Variants in GRB10 observed in about 807,000 individuals in gnomAD.
GRB10 encodes growth factor receptor bound protein 10.
A neutral mutation model predicts 80.9 loss-of-function variants in GRB10; 20 were observed. The observed-to-expected ratio is 0.25, with a 90% confidence interval of 0.17 to 0.36. The LOEUF (loss-of-function observed/expected upper bound fraction) is 0.36. GRB10 is among the 10% of genes least tolerant of loss of function. GRB10 has a pLI of 1.00. For synonymous variants in GRB10, 291 were observed against 291.5 expected (o/e 1.00, Z 0.02); for missense variants, 548 against 747.7 (o/e 0.73, Z 3.12).
chr7:50,705,906 AGCTGTGCTCCCCT>A (rs746981449), intron 4 of GRB10, among the ~76,000 whole-genome samples: 13 of 152,322 alleles, frequency 8.5e-5, no homozygotes, highest in Non-Finnish European at 1.5e-4. Context: ...CTGAGGAGGG[AGCTGTGCTCCCCT>A]GGCTATCTGA....
At chr7:50,626,687 G>A (rs1468451) in intron 8 of GRB10, 135 bp downstream of exon 8, 154,505 of 962,446 alleles carry the variant, frequency 0.16, 13,222 homozygotes, top group Non-Finnish European at 0.18. Flanking sequence ...CAGGAGAGTC[G>A]AGGGGAACCC....
intron 5 of GRB10, among the ~76,000 whole-genome samples, chr7:50,695,124 A>G (rs2153661583): frequency 6.6e-6 from 1 of 152,216 alleles, no homozygotes; most frequent in South Asian, 2.1e-4. Flanking sequence ...CCCACTGCCT[A>G]CACACTGCCT....
intron 5 of GRB10, among the ~76,000 whole-genome samples, chr7:50,693,337 T>C (rs2063052789): frequency 1.3e-5 from 2 of 152,344 alleles, no homozygotes; most frequent in Non-Finnish European, 2.9e-5. Context: ...GCTTCTGAAA[T>C]AGTCCATTCT....
At chr7:50,757,156 A>G (rs192007710) in intron 2 of GRB10, among the ~76,000 whole-genome samples, 3 of 152,324 alleles carry the variant, frequency 2.0e-5, no homozygotes, top group East Asian at 3.9e-4. Context: ...CTAAAAATCC[A>G]GGCACCAGAG....
intron 5 of GRB10, among the ~76,000 whole-genome samples, chr7:50,678,775 T>C (rs562417331): frequency 6.6e-6 from 1 of 152,340 alleles, no homozygotes; most frequent in East Asian, 1.9e-4. Flanking sequence ...GTAAGGACTC[T>C]GTGTGCCACC....
chr7:50,732,238 C>T (rs372908027), intron 4 of GRB10, 34 bp downstream of exon 4: 37 of 1,608,226 alleles, frequency 2.3e-5, no homozygotes, highest in African/African-American at 2.1e-4. Flanking sequence ...CCAGCACCAT[C>T]GGGCCAGGAT....
chr7:50,604,833 T>C (rs2048244987), intron 15 of GRB10: 1 of 292,978 alleles, frequency 3.4e-6, no homozygotes, highest in African/African-American at 2.2e-5. Context: ...GTCTCAGGAC[T>C]TAGAAGCCGA....
At chr7:50,784,566 C>G (rs554261603), upstream of GRB10, among the ~76,000 whole-genome samples, 8 of 152,322 alleles carry the variant, frequency 5.3e-5, no homozygotes, top group South Asian at 8.3e-4. Flanking sequence ...TTACAAAATG[C>G]CAGAGGTCCC....
intron 7 of GRB10, among the ~76,000 whole-genome samples, chr7:50,652,952 C>T (rs552852034): frequency 6.6e-6 from 1 of 152,306 alleles, no homozygotes; most frequent in East Asian, 1.9e-4. Context: ...AATTCACATT[C>T]CCAAAGCTGT....
chr7:50,691,006 G>A (rs915842526), intron 5 of GRB10, among the ~76,000 whole-genome samples: 6 of 152,104 alleles, frequency 3.9e-5, no homozygotes, highest in African/African-American at 1.4e-4. Flanking sequence ...CTAACACACT[G>A]GGGCAAAACA....
rs143505087 is a variant in GRB10 at position 50,599,176 on chromosome 7, G to A, written c.1545-3646C>T. Among the ~76,000 whole-genome samples, 475 of 152,292 alleles carry A rather than the reference G, an allele frequency of 3.1e-3. 3 individuals carry two copies. The highest frequency in any genetic ancestry group is 5.5e-3 in the Non-Finnish European group (376 of 68,030). ...CGCGCACACGCTCAGCTGCATGGGT[G>A]GGGACGGGGATGGGAGGGGAGCTGC... On this transcript the variant is annotated intron_variant, in intron 17 of 18. Coordinates refer to ENST00000401949, the MANE Select transcript of GRB10 (RefSeq NM_001350814.2).
chr7:50,595,388 A>G, intron 18 of GRB10, 49 bp downstream of exon 18: 1 of 1,011,948 alleles, frequency 9.9e-7, no homozygotes. Flanking sequence ...ATTAAGAATG[A>G]AACCAGAAAA....
chr7:50,674,241 C>T (rs1169110946), intron 6 of GRB10, among the ~76,000 whole-genome samples, 195 bp downstream of exon 6: 6 of 152,244 alleles, frequency 3.9e-5, no homozygotes, highest in Non-Finnish European at 8.8e-5. Flanking sequence ...ATTGAACTGG[C>T]TACAAAGTTC....
chr7:50,734,797 G>T (rs901388611), intron 3 of GRB10, among the ~76,000 whole-genome samples: 1 of 152,154 alleles, frequency 6.6e-6, no homozygotes, highest in Admixed American at 6.5e-5. Flanking sequence ...CAGTAAGAGG[G>T]CTGGGCTATC....
intron 5 of GRB10, 37 bp downstream of exon 5, chr7:50,703,784 G>C (rs1318447629): frequency 6.9e-7 from 1 of 1,456,920 alleles, no homozygotes; most frequent in South Asian, 1.1e-5. Flanking sequence ...TGCAAAGCTA[G>C]AACTGGGAGT....
chr7:50,738,308 A>G (rs1244440026), intron 3 of GRB10, among the ~76,000 whole-genome samples: 2 of 152,260 alleles, frequency 1.3e-5, no homozygotes, highest in Non-Finnish European at 2.9e-5. Flanking sequence ...AATCAAAAGC[A>G]GAGGCTCAGG....
intron 5 of GRB10, among the ~76,000 whole-genome samples, chr7:50,692,143 A>G (rs1387700542): frequency 6.6e-6 from 1 of 152,200 alleles, no homozygotes; most frequent in Non-Finnish European, 1.5e-5. Context: ...ATTAAGTATT[A>G]TAAGTAATCT....
chr7:50,757,576 C>T (rs62447566), intron 2 of GRB10, among the ~76,000 whole-genome samples: 49,986 of 152,146 alleles, frequency 0.33, 10,473 homozygotes, highest in Non-Finnish European at 0.48. Context: ...TTAAGGGTAT[C>T]GCTTTAACCG....
At chr7:50,694,348 T>A (rs2011899) in intron 5 of GRB10, among the ~76,000 whole-genome samples, 120,032 of 152,030 alleles carry the variant, frequency 0.79, 48,998 homozygotes, top group East Asian at 0.96. Context: ...ACCACCAAAA[T>A]CAGAAACTCT....
Sources: gnomAD v4.1 joint callset for allele counts (sites outside exome capture counted in the v4.1 genomes callset) on GRCh38, gnomAD v4.1.1 for gene constraint, MANE v1.5 for transcripts, NCBI Gene and HGNC (gene_info 2026-07-23, HGNC 2026-07-21) for gene names.